Variants in SH3BGRL2 observed in about 807,000 individuals in gnomAD.
The protein encoded by SH3BGRL2 is SH3 domain binding glutamate rich protein like 2.
Under a neutral mutation model 14.8 loss-of-function variants are expected in SH3BGRL2, and 21 were observed. The ratio of observed to expected loss-of-function variants is 1.42; its 90% CI spans 1.01 to 2.05. The LOEUF is 2.05. Among genes scored for constraint, SH3BGRL2 ranks in the 30% most tolerant of loss-of-function variants. The pLI, the probability that SH3BGRL2 is intolerant of heterozygous loss-of-function variation, is 0.00. For synonymous variants in SH3BGRL2, 50 were observed against 47.8 expected (o/e 1.05, Z -0.19); for missense variants, 147 against 130.8 (o/e 1.12, Z -0.61).
At chr6:79,670,531 C>G (rs1338607228) in intron 1 of SH3BGRL2, among the ~76,000 whole-genome samples, 2 of 152,200 alleles carry the variant, frequency 1.3e-5, no homozygotes, top group African/African-American at 2.4e-5. Flanking sequence ...CCAGGCTCTA[C>G]TGTGCAGTTA....
At chr6:79,652,978 T>G (rs1475222916) in intron 1 of SH3BGRL2, among the ~76,000 whole-genome samples, 1 of 152,208 alleles carries the variant, frequency 6.6e-6, no homozygotes. Context: ...CTGTGCCACC[T>G]TTCCCTACCC....
chr6:79,564,439 G>A, the SH3BGRL2 span, among the ~76,000 whole-genome samples: 2 of 151,906 alleles, frequency 1.3e-5, no homozygotes, highest in African/African-American at 2.4e-5. Flanking sequence ...CAAATTCTGT[G>A]TCTTTTACTA....
chr6:79,546,263 G>C, the SH3BGRL2 span, among the ~76,000 whole-genome samples: 1 of 152,120 alleles, frequency 6.6e-6, no homozygotes, highest in African/African-American at 2.4e-5. Flanking sequence ...TACAAATAGG[G>C]GGGTAAAAAT....
the SH3BGRL2 span, among the ~76,000 whole-genome samples, chr6:79,590,052 C>T: frequency 1.1e-3 from 160 of 152,116 alleles, no homozygotes; most frequent in Middle Eastern, 3.4e-3. Flanking sequence ...GGATTATAGG[C>T]GTGAGCCACC....
the SH3BGRL2 span, among the ~76,000 whole-genome samples, chr6:79,565,566 A>G: frequency 1.3e-5 from 2 of 152,092 alleles, no homozygotes; most frequent in African/African-American, 2.4e-5. Flanking sequence ...TTCTCAGTAG[A>G]GACGCTATTT....
rs185996169 is a variant in SH3BGRL2 at position 79,703,410 on chromosome 6, A to G, written c.*3901A>G. The G allele has an allele frequency of 2.6e-5, 4 of 152,340 alleles. No individual in the cohort carries two copies. Among genetic ancestry groups the G allele is most frequent in the Admixed American group, 2.6e-4 (4 of 15,300 alleles). 9.4% of individuals were successfully genotyped at this position (152,340 alleles called of 1,614,324 possible). A position where few individuals can be genotyped will look rare whatever the true frequency, so the allele number is the denominator to read the frequency against. On this transcript the variant is annotated 3_prime_UTR_variant, in exon 4 of 4. Coordinates refer to ENST00000369838, the MANE Select transcript of SH3BGRL2 (RefSeq NM_031469.4). ...ATGGAATATAGATATGTATATACACATATAATATATATGCTAAAGTATAAA... is the reference window on the plus strand; with the variant it reads ...ATGGAATATAGATATGTATATACACGTATAATATATATGCTAAAGTATAAA...
chr6:79,698,770 C>T (rs1243295358), intron 3 of SH3BGRL2, among the ~76,000 whole-genome samples: 2 of 152,042 alleles, frequency 1.3e-5, no homozygotes, highest in Non-Finnish European at 2.9e-5. Flanking sequence ...ATCTCAGTTT[C>T]CCTTGTAGTT....
chr6:79,542,159 C>A, the SH3BGRL2 span, among the ~76,000 whole-genome samples: 1 of 152,180 alleles, frequency 6.6e-6, no homozygotes, highest in African/African-American at 2.4e-5. Context: ...TGGTGGCCAT[C>A]ATGAAGTCAC....
the SH3BGRL2 span, among the ~76,000 whole-genome samples, chr6:79,582,947 AT>A: frequency 6.6e-6 from 1 of 151,910 alleles, no homozygotes; most frequent in Non-Finnish European, 1.5e-5. Context: ...AAGAAAAAAA[AT>A]AACCCCATCA....
intron 2 of SH3BGRL2, among the ~76,000 whole-genome samples, chr6:79,687,381 G>T (rs1770117626): frequency 6.6e-6 from 1 of 152,142 alleles, no homozygotes; most frequent in Non-Finnish European, 1.5e-5. Flanking sequence ...GGGTAAGAGG[G>T]GAGGTAGATG....
At chr6:79,644,773 T>G (rs998558920) in intron 1 of SH3BGRL2, among the ~76,000 whole-genome samples, 10 of 152,214 alleles carry the variant, frequency 6.6e-5, no homozygotes, top group Non-Finnish European at 7.3e-5. Flanking sequence ...TCATTTAAAT[T>G]GAAGTTGGCA....
the SH3BGRL2 span, among the ~76,000 whole-genome samples, chr6:79,624,359 G>A: frequency 6.7e-6 from 1 of 150,270 alleles, no homozygotes; most frequent in East Asian, 1.9e-4. Flanking sequence ...TAATATTTTT[G>A]ATTAATATAT....
At position 79,631,493 on chromosome 6, in the gene SH3BGRL2, C is replaced by G; in HGVS notation, c.32C>G (p.Ser11Trp). ...ATCCGCGTGTTCATCGCCTCTTCCTCGGGCTTCGTGGCGGTGAGCGCGGTG... is the reference window on the plus strand; with the variant it reads ...ATCCGCGTGTTCATCGCCTCTTCCTGGGGCTTCGTGGCGGTGAGCGCGGTG... MVIRVFIASS[S>W]GFVAIKKKQQ... Residue 11 changes from serine to tryptophan, a missense_variant, in exon 1 of 4, where the codon TCG becomes TGG. Ser to Trp is a radical substitution (Grantham distance 177, BLOSUM62 -3). Coordinates refer to ENST00000369838, the MANE Select transcript of SH3BGRL2 (RefSeq NM_031469.4). 1 of 1,491,376 alleles carries G rather than the reference C, an allele frequency of 6.7e-7. No homozygotes were observed. The highest frequency in any genetic ancestry group is 9.0e-7 in the Non-Finnish European group (1 of 1,116,740). The allele number at this position is 1,491,376 out of a possible 1,614,324, so 92.4% of individuals were successfully genotyped here. A position where few individuals can be genotyped will look rare whatever the true frequency, so the allele number is the denominator to read the frequency against.
chr6:79,562,910 C>T, the SH3BGRL2 span, among the ~76,000 whole-genome samples: 1 of 152,060 alleles, frequency 6.6e-6, no homozygotes, highest in African/African-American at 2.4e-5. Context: ...CTGCATGCAG[C>T]CTACTGGCTG....
chr6:79,538,665 A>ATT, the SH3BGRL2 span, among the ~76,000 whole-genome samples: 4 of 152,216 alleles, frequency 2.6e-5, no homozygotes, highest in African/African-American at 7.2e-5. Flanking sequence ...ATTACTTATA[A>ATT]AGGAAGTTGC....
chr6:79,691,930 C>G (rs1412367295), intron 2 of SH3BGRL2, among the ~76,000 whole-genome samples: 1 of 151,404 alleles, frequency 6.6e-6, no homozygotes, highest in Non-Finnish European at 1.5e-5. Flanking sequence ...GGAATTGCCA[C>G]ACTGACTTCC....
chr6:79,616,298 A>C, the SH3BGRL2 span, among the ~76,000 whole-genome samples: 1 of 152,174 alleles, frequency 6.6e-6, no homozygotes, highest in Admixed American at 6.6e-5. Flanking sequence ...AGAAACAGGA[A>C]CCCATTTGCA....
chr6:79,677,628 CAG>C (rs1769910979), intron 2 of SH3BGRL2, among the ~76,000 whole-genome samples: 1 of 152,174 alleles, frequency 6.6e-6, no homozygotes, highest in Non-Finnish European at 1.5e-5. Context: ...GCTACCCAGA[CAG>C]GGAAATTCCT....
intron 1 of SH3BGRL2, among the ~76,000 whole-genome samples, chr6:79,651,593 T>C (rs16890898): frequency 0.13 from 14,993 of 118,286 alleles, 1,064 homozygotes; most frequent in East Asian, 0.33. Flanking sequence ...CCACTTGCAT[T>C]ACATCAAACG....
Sources: allele counts gnomAD v4.1 joint callset (sites outside exome capture counted in the v4.1 genomes callset), GRCh38; gene constraint gnomAD v4.1.1; transcripts MANE v1.5; gene names NCBI Gene and HGNC (gene_info 2026-07-23, HGNC 2026-07-21).